Variants in ANP32B observed in about 807,000 individuals in gnomAD.
ANP32B encodes acidic nuclear phosphoprotein 32 family member B.
A neutral mutation model predicts 32.2 loss-of-function variants in ANP32B; 6 were observed. The ratio of observed to expected loss-of-function variants is 0.19; its 90% confidence interval spans 0.10 to 0.37. The LOEUF (loss-of-function observed/expected upper bound fraction) is 0.37, where lower values mean the gene tolerates loss of function less well. Ranked by LOEUF, ANP32B falls within the 10% of genes least tolerant of loss-of-function variation. The pLI, the probability that ANP32B is intolerant of heterozygous loss-of-function variation, is 1.00. For missense variants in ANP32B, 204 were observed against 289.2 expected (o/e 0.71, Z 2.14); for synonymous variants, 98 against 105.8 (o/e 0.93, Z 0.45).
intron 1 of ANP32B, among the ~76,000 whole-genome samples, chr9:97,985,323 G>A (rs915163909): frequency 6.6e-6 from 1 of 151,962 alleles, no homozygotes; most frequent in African/African-American, 2.4e-5. Context: ...CACCACTAAC[G>A]CGGGGCGGGC....
At chr9:97,983,745 C>A in intron 1 of ANP32B, 136 bp downstream of exon 1, 2 of 601,432 alleles carry the variant, frequency 3.3e-6, no homozygotes, top group South Asian at 6.8e-5. Flanking sequence ...ACGGGGAAGG[C>A]GGGCGGGCGC....
intron 4 of ANP32B, among the ~76,000 whole-genome samples, chr9:98,009,320 G>T (rs1309016435): frequency 6.6e-6 from 1 of 152,070 alleles, no homozygotes; most frequent in East Asian, 1.9e-4. Flanking sequence ...TGTTTTCTTT[G>T]CATGCTGAGT....
At chr9:98,006,069 A>G (rs1475070878) in intron 4 of ANP32B, among the ~76,000 whole-genome samples, 1 of 152,222 alleles carries the variant, frequency 6.6e-6, no homozygotes, top group East Asian at 1.9e-4. Flanking sequence ...CCTTAGAAGA[A>G]TCTAATGCCT....
chr9:97,997,810 C>G lies in ANP32B; in HGVS notation c.205-746C>G, dbSNP rs551761049. ...GATGTTCTTCACAATGCTTTCCAGG[C>G]TCCAATTCCTTCTACTCTAAGATTC... On this transcript the variant is annotated intron_variant, in intron 2 of 6. Coordinates refer to ENST00000339399, the MANE Select transcript of ANP32B (RefSeq NM_006401.3). Among the ~76,000 whole-genome samples the G allele has an allele frequency of 3.9e-5, 6 of 152,344 alleles. No homozygotes were observed. The South Asian group carries it at 1.2e-3, about 32-fold the overall frequency.
In ANP32B at chr9:97,984,962, C is replaced by T. The variant is rs1337507307; in HGVS notation, c.54+1353C>T. Among the ~76,000 whole-genome samples, 11 of 151,132 alleles carry T rather than the reference C, an allele frequency of 7.3e-5. No homozygotes were observed. The East Asian group carries it at 2.0e-3, about 27-fold the overall frequency. On this transcript the variant is annotated intron_variant, in intron 1 of 6. Transcript: ENST00000339399. ...CCGCGCGCCTTGCGGGCTGTAGGGG[C>T]CTGAGGGCGGCCCTCTTGCGGCGCG... is the stretch of plus-strand genomic sequence containing the variant.
rs1425423216 is a variant in ANP32B at position 97,999,039 on chromosome 9, C to A, written c.327+361C>A. 2.3e-4 allele frequency among the ~76,000 whole-genome samples: 6 copies of A among 26,036 alleles called. 2 individuals are homozygous for A. The highest frequency in any genetic ancestry group is 4.3e-4 in the Non-Finnish European group (6 of 13,904). 17.1% of individuals were successfully genotyped at this position (26,036 alleles called of 152,430 possible). On this transcript the variant is annotated intron_variant, in intron 3 of 6. Coordinates refer to ENST00000339399, the MANE Select transcript of ANP32B (RefSeq NM_006401.3). Reference sequence around the variant, plus strand: ...AGCCAGGATGGTCTCGATCTCCTGACCTCGTGATCCGCCCGCCTCGGCCTC... The same window carrying A: ...AGCCAGGATGGTCTCGATCTCCTGAACTCGTGATCCGCCCGCCTCGGCCTC...
rs769811711 is a variant in ANP32B, at chr9:98,012,467, A to G, written c.683A>G (p.Asp228Gly). ...GAAGAAGATGAAGATGAGGATGAGG[A>G]TGAAGGTGGGCCTAATGCATGCATT... is the stretch of plus-strand genomic sequence containing the variant. ...LDEEDEDEDEDEEEEEGGKGE... is the reference protein window; with the variant it reads ...LDEEDEDEDEGEEEEEGGKGE... The change falls in exon 6 of 7, where the codon GAT (aspartate) becomes GGT (glycine). Residue 228 changes from aspartate to glycine, a missense_variant. Transcript: ENST00000339399. 4.3e-5 allele frequency: 70 copies of G among 1,612,706 alleles called. No homozygotes were observed. The highest frequency in any genetic ancestry group is 1.7e-6 in the Non-Finnish European group (2 of 1,179,770).
At chr9:98,007,023 A>G (rs554205315) in intron 4 of ANP32B, among the ~76,000 whole-genome samples, 1 of 152,158 alleles carries the variant, frequency 6.6e-6, no homozygotes, top group African/African-American at 2.4e-5. Flanking sequence ...CTGCTTCACC[A>G]CTTGGAGACC....
At chr9:97,983,714 G>T in intron 1 of ANP32B, 105 bp downstream of exon 1, 2 of 923,256 alleles carry the variant, frequency 2.2e-6, no homozygotes, top group African/African-American at 3.5e-5. Flanking sequence ...GCGCGGGGAA[G>T]AGCGCAGCTC....
chr9:97,983,697 G>A (rs1423087072), intron 1 of ANP32B, 88 bp downstream of exon 1: 20 of 1,137,156 alleles, frequency 1.8e-5, no homozygotes, highest in Middle Eastern at 2.3e-4. Flanking sequence ...AGGGTTCGCC[G>A]GCCCCGGCGC....
At chr9:98,010,497 C>G (rs1334506071) in intron 4 of ANP32B, among the ~76,000 whole-genome samples, 1 of 152,120 alleles carries the variant, frequency 6.6e-6, no homozygotes, top group Non-Finnish European at 1.5e-5. Flanking sequence ...AGAAGCACCA[C>G]ATACTCATGG....
At chr9:98,008,444 C>T (rs1380604220) in intron 4 of ANP32B, among the ~76,000 whole-genome samples, 1 of 152,170 alleles carries the variant, frequency 6.6e-6, no homozygotes, top group African/African-American at 2.4e-5. Flanking sequence ...CCAGGTCAAT[C>T]GACTTTGTTC....
At position 97,983,372 on chromosome 9, in the gene ANP32B, T is replaced by C; in HGVS notation, c.-184T>C. 1.8e-6 allele frequency: 1 copy of C among 550,014 alleles called. No homozygotes were observed. Among genetic ancestry groups the C allele is most frequent in the Non-Finnish European group, 3.2e-6 (1 of 308,276 alleles). The allele number at this position is 550,014 out of a possible 1,614,324, so 34.1% of individuals were successfully genotyped here. A position where few individuals can be genotyped will look rare whatever the true frequency, so the allele number is the denominator to read the frequency against. Reference sequence around the variant, plus strand: ...CCTCCATGGTTTCTCTCCGCTCCCGTGAGTAACTTGGCTCCGGGGGCTCCG... The same window carrying C: ...CCTCCATGGTTTCTCTCCGCTCCCGCGAGTAACTTGGCTCCGGGGGCTCCG... On this transcript the variant is annotated 5_prime_UTR_variant, in exon 1 of 7. Transcript: ENST00000339399.
intron 4 of ANP32B, among the ~76,000 whole-genome samples, chr9:98,007,520 A>G (rs895480361): frequency 3.9e-5 from 6 of 152,338 alleles, no homozygotes; most frequent in South Asian, 4.1e-4. Flanking sequence ...GCATGAGACT[A>G]TGTTATGTGT....
In ANP32B at chr9:97,994,705, C is replaced by T. The variant is rs1487333026; in HGVS notation, c.129C>T (p.Asn43=). ...AGGGCTTAACAGCTGAATTTGTGAA[C>T]TTAGAGTTCCTCAGTTTAATAAATG... The part of the protein sequence containing the change: ...KIEGLTAEFV[N]LEFLSLINVG... Residue 43 remains asparagine (N), a synonymous_variant, in exon 2 of 7, where the codon AAC becomes AAT. Transcript: ENST00000339399. 6.2e-7 allele frequency: 1 copy of T among 1,612,346 alleles called. No individual in the cohort carries two copies. The highest frequency in any genetic ancestry group is 1.1e-5 in the South Asian group (1 of 90,444).
chr9:97,988,169 T>C (rs1046508302), intron 1 of ANP32B, among the ~76,000 whole-genome samples: 1 of 152,146 alleles, frequency 6.6e-6, no homozygotes. Flanking sequence ...TCAACATCTT[T>C]GTGTGTGTCC....
At position 97,994,635 on chromosome 9, in the gene ANP32B, G is replaced by A. The variant is rs776354657; in HGVS notation, c.59G>A (p.Arg20Gln). 3.7e-5 allele frequency: 60 copies of A among 1,601,204 alleles called. No homozygotes were observed. In the South Asian group the frequency reaches 6.6e-4, roughly 18 times the overall value. ...ELRNRTPAAV[R>Q]ELVLDNCKSN... is the part of the protein sequence containing the mutation. ...TTTTTTCTTTGTCATCCACAGGTTC[G>A]AGAACTTGTCTTGGACAATTGCAAA... The change falls in exon 2 of 7, where the codon CGA becomes CAA. Residue 20 changes from arginine to glutamine, a missense_variant. Physicochemically the swap from Arg to Gln is conservative, Grantham distance 43. Transcript: ENST00000339399.
intron 2 of ANP32B, among the ~76,000 whole-genome samples, chr9:97,997,210 A>G (rs1232239864): frequency 6.6e-6 from 1 of 152,202 alleles, no homozygotes; most frequent in African/African-American, 2.4e-5. Flanking sequence ...GACTCTATTG[A>G]TTATGGGCTT....
At chr9:97,984,362 C>T (rs916672674) in intron 1 of ANP32B, among the ~76,000 whole-genome samples, 2 of 151,476 alleles carry the variant, frequency 1.3e-5, no homozygotes, top group Non-Finnish European at 2.9e-5. Context: ...CCCCCGTTCT[C>T]TCGCTCCCTC....
Sources: allele counts gnomAD v4.1 joint callset (sites outside exome capture counted in the v4.1 genomes callset), GRCh38; gene constraint gnomAD v4.1.1; transcripts MANE v1.5; gene names NCBI Gene and HGNC (gene_info 2026-07-23, HGNC 2026-07-21).